The following CRYBG1 variants were observed in gnomAD, a reference collection of about 807,000 sequenced individuals.
The protein encoded by CRYBG1 is crystallin beta-gamma domain containing 1.
Under a neutral mutation model 189.2 loss-of-function variants are expected in CRYBG1, and 139 were observed. The observed-to-expected ratio is 0.73, with a 90% CI of 0.64 to 0.85. The LOEUF (loss-of-function observed/expected upper bound fraction) is 0.85. Ranked by LOEUF, CRYBG1 falls within the 40% of genes least tolerant of loss-of-function variation. CRYBG1 has a pLI of 0.00. For missense variants in CRYBG1, 2,611 were observed against 2,675.8 expected (o/e 0.98, Z 0.53); for synonymous variants, 1,023 against 1,017.1 (o/e 1.01, Z -0.11).
At chr6:106,515,806 T>TTTAC (rs1773405710) in intron 3 of CRYBG1, among the ~76,000 whole-genome samples, 1 of 150,510 alleles carries the variant, frequency 6.6e-6, no homozygotes, top group Middle Eastern at 3.4e-3. Flanking sequence ...TATTTATTTA[T>TTTAC]TTTTGAGACA....
intron 1 of CRYBG1, among the ~76,000 whole-genome samples, chr6:106,407,470 A>G (rs1000216167): frequency 6.6e-6 from 1 of 152,196 alleles, no homozygotes; most frequent in African/African-American, 2.4e-5. Context: ...AATATTACAC[A>G]GATCAACGAG....
chr6:106,407,339 T>C (rs1309735090), intron 1 of CRYBG1, among the ~76,000 whole-genome samples: 1 of 152,124 alleles, frequency 6.6e-6, no homozygotes, highest in Non-Finnish European at 1.5e-5. Context: ...GATCTAACTA[T>C]CCTAAATATA....
At chr6:106,435,356 G>T (rs1230697473) in intron 1 of CRYBG1, among the ~76,000 whole-genome samples, 1 of 151,894 alleles carries the variant, frequency 6.6e-6, no homozygotes, top group Non-Finnish European at 1.5e-5. Context: ...GTAGCAATAG[G>T]GCCTCACTAT....
intron 3 of CRYBG1, among the ~76,000 whole-genome samples, chr6:106,518,237 T>C (rs1773486385): frequency 6.6e-6 from 1 of 152,210 alleles, no homozygotes; most frequent in Non-Finnish European, 1.5e-5. Flanking sequence ...ACTGGTAGGA[T>C]TATCAGTGAT....
chr6:106,517,341 T>TC (rs1773451291), intron 3 of CRYBG1, among the ~76,000 whole-genome samples: 1 of 141,018 alleles, frequency 7.1e-6, no homozygotes, highest in African/African-American at 2.7e-5. Flanking sequence ...CATATATATA[T>TC]ACACACACAT....
chr6:106,458,756 G>T (rs952924499), intron 2 of CRYBG1, among the ~76,000 whole-genome samples: 3 of 152,148 alleles, frequency 2.0e-5, no homozygotes, highest in African/African-American at 4.8e-5. Context: ...GAATAAGGTA[G>T]TTTCCAGAGC....
chr6:106,378,672 G>A (rs1770221593), intron 1 of CRYBG1, among the ~76,000 whole-genome samples: 1 of 152,220 alleles, frequency 6.6e-6, no homozygotes, highest in African/African-American at 2.4e-5. Flanking sequence ...AATGAGAGTT[G>A]TAACTGTATC....
chr6:106,546,817 C>A (rs984749997), intron 13 of CRYBG1, among the ~76,000 whole-genome samples: 2 of 152,172 alleles, frequency 1.3e-5, no homozygotes, highest in African/African-American at 4.8e-5. Flanking sequence ...ACATAGTGAC[C>A]AACTTAGTCT....
intron 1 of CRYBG1, among the ~76,000 whole-genome samples, chr6:106,439,194 A>G (rs1771524746): frequency 1.3e-5 from 2 of 152,126 alleles, no homozygotes; most frequent in African/African-American, 4.8e-5. Context: ...TTCAGTAAAA[A>G]GCAACTATCA....
At chr6:106,461,710 C>G (rs1021043672) in intron 2 of CRYBG1, among the ~76,000 whole-genome samples, 1 of 152,144 alleles carries the variant, frequency 6.6e-6, no homozygotes, top group South Asian at 2.1e-4. Flanking sequence ...CATGTAGCTC[C>G]GGACACTCCA....
At position 106,512,886 on chromosome 6, in the gene CRYBG1, C is replaced by T; in HGVS notation, c.1769C>T (p.Pro590Leu). 2.5e-6 allele frequency: 4 copies of T among 1,598,230 alleles called. No individual in the cohort carries two copies. Among genetic ancestry groups the T allele is most frequent in the East Asian group, 2.3e-5 (1 of 44,012 alleles). Residue 590 changes from proline (P) to leucine (L), a missense_variant, in exon 3 of 22, where the codon CCG becomes CTG. By Grantham distance (98) the Pro-to-Leu change is moderately conservative. Around this residue, in one of 3 missense-constraint regions of CRYBG1, gnomAD observed 985 missense variants for 924.4 expected, o/e 1.07. Coordinates refer to ENST00000633556, the MANE Select transcript of CRYBG1 (RefSeq NM_001371242.2). Reference sequence around the variant, plus strand: ...ATCAAGCCCGAGCACAAGAGGGGCCCGCTCCCCAACCACTTCAACGGCCGG... The same window carrying T: ...ATCAAGCCCGAGCACAAGAGGGGCCTGCTCCCCAACCACTTCAACGGCCGG... The part of the protein sequence containing the change: ...PEIKPEHKRG[P>L]LPNHFNGRAE...
intron 2 of CRYBG1, among the ~76,000 whole-genome samples, chr6:106,452,968 G>A (rs989651895): frequency 4.6e-5 from 7 of 152,170 alleles, no homozygotes; most frequent in African/African-American, 1.4e-4. Context: ...TATTTGTCAT[G>A]AAAGAAATGC....
rs934164410 is a variant in CRYBG1, at chr6:106,512,408, C to T, written c.1291C>T (p.Pro431Ser). The T allele has an allele frequency of 5.0e-6, 8 of 1,608,728 alleles. No homozygotes were observed. The highest frequency in any genetic ancestry group is 6.8e-6 in the Non-Finnish European group (8 of 1,178,412). The change falls in exon 3 of 22, where the codon CCC becomes TCC. Residue 431 changes from proline (P) to serine (S), a missense_variant. Physicochemically the swap from Pro to Ser is moderately conservative, Grantham distance 74. Transcript: ENST00000633556. ...RRGSQKSTDS[P>S]GADAELPESA... is the part of the protein sequence containing the mutation. ...GGGGTCGCAGAAATCCACCGACTCC[C>T]CCGGCGCGGACGCCGAGCTCCCTGA...
At position 106,525,398 on chromosome 6, in the gene CRYBG1, A is replaced by C. The variant is rs1411034050; in HGVS notation, c.4412+12A>C. The C allele has an allele frequency of 6.3e-7, 1 of 1,593,996 alleles. No homozygotes were observed. Among genetic ancestry groups the C allele is most frequent in the Admixed American group, 1.7e-5 (1 of 60,008 alleles). The stretch of plus-strand genomic sequence containing the variant: ...GTTGTTAGAGGATGGTAAGAATGGC[A>C]CTTTAAGTTCCTGATGTCAAGTGTT... On this transcript the variant is annotated intron_variant, in intron 6 of 21. Coordinates refer to ENST00000633556, the MANE Select transcript of CRYBG1 (RefSeq NM_001371242.2).
chr6:106,424,830 T>G (rs1582755026), intron 1 of CRYBG1, among the ~76,000 whole-genome samples: 1 of 152,092 alleles, frequency 6.6e-6, no homozygotes, highest in African/African-American at 2.4e-5. Flanking sequence ...ACCACAGAAG[T>G]CCAGCCTCTC....
intron 2 of CRYBG1, among the ~76,000 whole-genome samples, chr6:106,488,950 T>C (rs1176504216): frequency 6.6e-6 from 1 of 151,974 alleles, no homozygotes; most frequent in African/African-American, 2.4e-5. Flanking sequence ...GGATGGGAGG[T>C]GTCAAGGGAG....
chr6:106,497,236 G>T (rs1439738119), intron 2 of CRYBG1, among the ~76,000 whole-genome samples: 2 of 152,026 alleles, frequency 1.3e-5, no homozygotes, highest in African/African-American at 4.8e-5. Context: ...GGGAAATCAG[G>T]CCGGTCTTCC....
At chr6:106,494,380 C>A (rs12211021) in intron 2 of CRYBG1, among the ~76,000 whole-genome samples, 2 of 151,984 alleles carry the variant, frequency 1.3e-5, no homozygotes, top group Non-Finnish European at 2.9e-5. Context: ...GTACATTTTA[C>A]GTTTTGTGCT....
chr6:106,521,165 A>T lies in CRYBG1; in HGVS notation c.3957A>T (p.Thr1319=), dbSNP rs766542926. 6.2e-7 allele frequency: 1 copy of T among 1,614,210 alleles called. No homozygotes were observed. The highest frequency in any genetic ancestry group is 8.5e-7 in the Non-Finnish European group (1 of 1,180,032). ...LKVFNFNSSS[T]SHSSLKSPSH... is the part of the protein sequence containing the mutation. ...TCTTCAATTTCAACTCGTCAAGTACATCACACTCCAGTTTGAAAAGTCCAA... is the reference window on the plus strand; with the variant it reads ...TCTTCAATTTCAACTCGTCAAGTACTTCACACTCCAGTTTGAAAAGTCCAA... The change falls in exon 4 of 22, where the codon ACA becomes ACT. Residue 1319 remains threonine, a synonymous_variant. Coordinates refer to ENST00000633556, the MANE Select transcript of CRYBG1 (RefSeq NM_001371242.2).
Sources: allele counts gnomAD v4.1 joint callset (sites outside exome capture counted in the v4.1 genomes callset), GRCh38; gene constraint gnomAD v4.1.1; regional missense constraint gnomAD v4.1.1; transcripts MANE v1.5; gene names NCBI Gene and HGNC (gene_info 2026-07-23, HGNC 2026-07-21).